MGAT4C: variants seen among roughly 807,000 people sequenced by gnomAD.
MGAT4C encodes alpha-1,3-mannosyl-glycoprotein 4-beta-N-acetylglucosaminyltransferase C.
Under a neutral mutation model 40.1 loss-of-function variants are expected in MGAT4C, and 19 were observed. That is an observed-to-expected ratio of 0.47 (90% CI 0.33 to 0.70). The LOEUF is 0.70. MGAT4C is among the 30% of genes least tolerant of loss of function. MGAT4C has a pLI of 0.02. For synonymous variants in MGAT4C, 181 were observed against 187.1 expected, an observed-to-expected ratio of 0.97 and a Z score of 0.27; for missense variants, 491 against 563.2, an observed-to-expected ratio of 0.87 and a Z score of 1.30.
rs11103954 is a variant in MGAT4C at position 86,416,252 on chromosome 12, A to C, written c.-120+18905T>G. Among the ~76,000 whole-genome samples the C allele has an allele frequency of 4.8e-3, 735 of 152,176 alleles. 2 individuals carry two copies. Among genetic ancestry groups the C allele is most frequent in the Non-Finnish European group, 8.0e-3 (542 of 67,914 alleles). On this transcript the variant is annotated intron_variant, in intron 3 of 7. Transcript: ENST00000548651. ...ATGTCTTCTGGCTGAGATGGAAAAA[A>C]TGTGATAAGCTTTTCAGGATAAATT... is the stretch of plus-strand genomic sequence containing the variant.
intron 1 of MGAT4C, among the ~76,000 whole-genome samples, chr12:86,138,504 ATG>A (rs1491291554): frequency 6.8e-6 from 1 of 147,340 alleles, no homozygotes; most frequent in Non-Finnish European, 1.5e-5. Context: ...TATATATATC[ATG>A]TATATATTTC....
chr12:86,072,026 T>TTGTGTGTGTG (rs71076158), intron 1 of MGAT4C, among the ~76,000 whole-genome samples: 5,427 of 148,996 alleles, frequency 0.036, 320 homozygotes, highest in African/African-American at 0.12. Context: ...GCATAGGGTT[T>TTGTGTGTGTG]TGTGTGTGTG....
At chr12:86,023,202 G>A (rs1030241247) in intron 2 of MGAT4C, among the ~76,000 whole-genome samples, 1 of 152,010 alleles carries the variant, frequency 6.6e-6, no homozygotes, top group Non-Finnish European at 1.5e-5. Context: ...GAAATGTTAT[G>A]TTATTGTTCC....
intron 2 of MGAT4C, among the ~76,000 whole-genome samples, chr12:86,014,612 A>G (rs1888870027): frequency 6.6e-6 from 1 of 152,120 alleles, no homozygotes; most frequent in African/African-American, 2.4e-5. Context: ...CCCTGACCTC[A>G]TAATTTACGC....
chr12:86,579,225 C>T (rs1960681088), intron 2 of MGAT4C, among the ~76,000 whole-genome samples: 1 of 151,288 alleles, frequency 6.6e-6, no homozygotes, highest in Admixed American at 6.6e-5. Flanking sequence ...GTCTTCTCTT[C>T]CTCCTTTCTT....
intron 2 of MGAT4C, among the ~76,000 whole-genome samples, chr12:86,687,714 C>A (rs369386260): frequency 8.3e-4 from 126 of 152,182 alleles, no homozygotes; most frequent in African/African-American, 2.9e-3. Flanking sequence ...GTTATGATTT[C>A]TGTTCTTTTG....
intron 3 of MGAT4C, among the ~76,000 whole-genome samples, chr12:86,361,976 C>T (rs911499572): frequency 2.6e-5 from 4 of 152,160 alleles, no homozygotes; most frequent in Admixed American, 2.6e-4. Context: ...TCCAGCCATC[C>T]CATTACTGGG....
intron 1 of MGAT4C, among the ~76,000 whole-genome samples, chr12:86,148,279 C>T (rs1883819587): frequency 6.6e-6 from 1 of 152,186 alleles, no homozygotes; most frequent in African/African-American, 2.4e-5. Flanking sequence ...GTACGACAAG[C>T]CTCCATGATG....
At chr12:86,682,285 C>A (rs532721975) in intron 2 of MGAT4C, among the ~76,000 whole-genome samples, 1 of 151,914 alleles carries the variant, frequency 6.6e-6, no homozygotes, top group East Asian at 1.9e-4. Flanking sequence ...TTATTAGATG[C>A]AATATTTTAT....
intron 1 of MGAT4C, among the ~76,000 whole-genome samples, chr12:86,807,389 T>A (rs1244665446): frequency 1.3e-5 from 2 of 152,130 alleles, no homozygotes; most frequent in African/African-American, 2.4e-5. Context: ...TGGTTTTCTG[T>A]TCCTACGTTG....
intron 2 of MGAT4C, among the ~76,000 whole-genome samples, chr12:86,578,422 T>C (rs1336660491): frequency 6.6e-6 from 1 of 151,850 alleles, no homozygotes; most frequent in Non-Finnish European, 1.5e-5. Flanking sequence ...TCTCTATTTT[T>C]GGGAATTGTT....
chr12:86,299,183 T>A (rs1592666339), intron 4 of MGAT4C, among the ~76,000 whole-genome samples: 1 of 152,318 alleles, frequency 6.6e-6, no homozygotes, highest in African/African-American at 2.4e-5. Context: ...TGGCGCGATC[T>A]CGGCTCACTG....
rs1319933544 is a variant in MGAT4C at position 86,837,842 on chromosome 12, G to A, written c.-262+824C>T. 2.6e-5 allele frequency among the ~76,000 whole-genome samples: 4 copies of A among 152,074 alleles called. No individual in the cohort carries two copies. In the East Asian group the frequency reaches 7.7e-4, roughly 29 times the overall value. On this transcript the variant is annotated intron_variant, in intron 1 of 7. Coordinates refer to the MGAT4C transcript ENST00000548651. ...CTTTAACTTTTCAGAAACAGACACGGAAGTCACCTTTGCTGTTCTAAGATA... is the reference window on the plus strand; with the variant it reads ...CTTTAACTTTTCAGAAACAGACACGAAAGTCACCTTTGCTGTTCTAAGATA...
At chr12:86,729,822 A>C (rs1422087722) in intron 1 of MGAT4C, among the ~76,000 whole-genome samples, 2 of 152,174 alleles carry the variant, frequency 1.3e-5, no homozygotes, top group South Asian at 2.1e-4. Flanking sequence ...GTTTTTTCTA[A>C]GTTGTTGACT....
rs28611402 is a variant in MGAT4C, at chr12:86,480,465, T to A, written c.-228-45200A>T. Among the ~76,000 whole-genome samples the A allele has an allele frequency of 3.4e-5, 5 of 147,000 alleles. No homozygotes were observed. In the South Asian group the frequency reaches 1.1e-3, roughly 31 times the overall value. On this transcript the variant is annotated intron_variant, in intron 2 of 7. Transcript: ENST00000548651. Reference sequence around the variant, plus strand: ...GTATACATATATAGATATGTACACATATACATATGTATGTATACATATATA... The same window carrying A: ...GTATACATATATAGATATGTACACAAATACATATGTATGTATACATATATA...
At chr12:86,264,421 A>T (rs1255063246) in intron 4 of MGAT4C, among the ~76,000 whole-genome samples, 4 of 152,126 alleles carry the variant, frequency 2.6e-5, no homozygotes, top group Non-Finnish European at 5.9e-5. Context: ...TTTTGATTGC[A>T]GGAGAGGCCC....
At chr12:86,669,862 A>G (rs921976948) in intron 2 of MGAT4C, among the ~76,000 whole-genome samples, 18 of 152,220 alleles carry the variant, frequency 1.2e-4, no homozygotes, top group African/African-American at 3.9e-4. Flanking sequence ...TATAAGTTTC[A>G]TCTACTGGTT....
intron 1 of MGAT4C, among the ~76,000 whole-genome samples, chr12:86,145,006 C>T (rs1389130578): frequency 6.6e-6 from 1 of 152,050 alleles, no homozygotes; most frequent in East Asian, 1.9e-4. Context: ...ATTAAAGACT[C>T]AACTCTGCTG....
At chr12:86,485,756 A>G (rs186623603) in intron 2 of MGAT4C, among the ~76,000 whole-genome samples, 41 of 152,236 alleles carry the variant, frequency 2.7e-4, no homozygotes. Context: ...TAAGACAACA[A>G]CCTCCAAGAC....
Sources: gnomAD v4.1 joint callset for allele counts (sites outside exome capture counted in the v4.1 genomes callset) on GRCh38, gnomAD v4.1.1 for gene constraint, MANE v1.5 for transcripts, NCBI Gene and HGNC (gene_info 2026-07-23, HGNC 2026-07-21) for gene names.